The following ADRA1A variants were observed in gnomAD, a reference collection of about 807,000 sequenced individuals.
ADRA1A encodes adrenoceptor alpha 1A, also known as alpha-1A adrenergic receptor.
In ADRA1A, 31 loss-of-function variants were observed where a neutral mutation model predicts 29.6. That is an observed-to-expected ratio of 1.05 (90% confidence interval 0.79 to 1.41). ADRA1A has a LOEUF of 1.41. ADRA1A is among the 40% of genes most tolerant of loss of function. ADRA1A has a pLI of 0.00. For missense variants in ADRA1A, 619 were observed against 601.1 expected, an observed-to-expected ratio of 1.03 and a Z score of -0.31; for synonymous variants, 311 against 254.3, an observed-to-expected ratio of 1.22 and a Z score of -2.12.
chr8:26,782,542 C>T (rs1403564203), intron 2 of ADRA1A, among the ~76,000 whole-genome samples: 2 of 152,134 alleles, frequency 1.3e-5, no homozygotes, highest in Non-Finnish European at 2.9e-5. Flanking sequence ...ATATAAATGT[C>T]ACATTTAGAA....
In ADRA1A at chr8:26,821,748, C is replaced by T. The variant is rs12541646; in HGVS notation, c.883+42339G>A. Among the ~76,000 whole-genome samples the T allele has an allele frequency of 0.24, 36,083 of 147,816 alleles. 4,964 individuals are homozygous for T. Among genetic ancestry groups the T allele is most frequent in the South Asian group, 0.44 (2,007 of 4,540 alleles). ...GTCCTTTTATAGCCATACCCACTTC[C>T]CTTCTGCCCCACCCCGATCTTCACT... On this transcript the variant is annotated intron_variant, in intron 2 of 2. Transcript: ENST00000380573. The surrounding 1 kb of genome is among the most constrained non-coding windows in gnomAD (Gnocchi z 5.6).
At chr8:26,861,015 A>G (rs1052181605) in intron 2 of ADRA1A, among the ~76,000 whole-genome samples, 1 of 152,070 alleles carries the variant, frequency 6.6e-6, no homozygotes, top group Non-Finnish European at 1.5e-5. Flanking sequence ...AAAGTACACA[A>G]TCAGGCTTTT....
At chr8:26,810,249 G>A (rs61761845) in intron 2 of ADRA1A, among the ~76,000 whole-genome samples, 3,930 of 152,278 alleles carry the variant, frequency 0.026, 75 homozygotes, top group Middle Eastern at 0.061. Context: ...CAAATTCCAC[G>A]TTGGGTTAAT....
At chr8:26,816,700 T>C (rs1303619487) in intron 2 of ADRA1A, among the ~76,000 whole-genome samples, 2 of 152,188 alleles carry the variant, frequency 1.3e-5, no homozygotes, top group Non-Finnish European at 2.9e-5. Flanking sequence ...CACACCTCCA[T>C]GTGGCACCTC....
At chr8:26,792,483 C>A (rs1324187861) in intron 2 of ADRA1A, among the ~76,000 whole-genome samples, 1 of 151,650 alleles carries the variant, frequency 6.6e-6, no homozygotes, top group Non-Finnish European at 1.5e-5. Context: ...ATCACCAATT[C>A]TGGATAAAAT....
chr8:26,818,371 A>T (rs1396408116), intron 2 of ADRA1A, among the ~76,000 whole-genome samples: 5 of 152,204 alleles, frequency 3.3e-5, no homozygotes, highest in Non-Finnish European at 4.4e-5. Context: ...ATTCCATGGT[A>T]TGTCACTATC....
At chr8:26,859,651 G>C (rs1813301222) in intron 2 of ADRA1A, among the ~76,000 whole-genome samples, 1 of 152,094 alleles carries the variant, frequency 6.6e-6, no homozygotes, top group South Asian at 2.1e-4. Flanking sequence ...TACTCAATTG[G>C]TGTCAGGAAG....
intron 2 of ADRA1A, among the ~76,000 whole-genome samples, chr8:26,771,609 C>A (rs970269417): frequency 6.6e-6 from 1 of 152,224 alleles, no homozygotes; most frequent in African/African-American, 2.4e-5. Flanking sequence ...AATGGAACAA[C>A]CTTAAGGATT....
In ADRA1A at chr8:26,769,658, G is replaced by A; in HGVS notation, c.*491C>T. 2 of 985,376 alleles carry A rather than the reference G, an allele frequency of 2.0e-6. No individual in the cohort carries two copies. The highest frequency in any genetic ancestry group is 2.4e-6 in the Non-Finnish European group (2 of 830,128). 61.0% of individuals were successfully genotyped at this position (985,376 alleles called of 1,614,324 possible). Reference sequence around the variant, plus strand: ...GACTTGCTCTAAAAATAATGTGTCTGGATCTCGGCCACCATCTTAATGCTC... The same window carrying A: ...GACTTGCTCTAAAAATAATGTGTCTAGATCTCGGCCACCATCTTAATGCTC... On this transcript the variant is annotated 3_prime_UTR_variant, in exon 3 of 3. Coordinates refer to ENST00000380573, the MANE Select transcript of ADRA1A (RefSeq NM_000680.4).
chr8:26,778,912 C>T (rs993606590), intron 2 of ADRA1A: 2 of 151,588 alleles, frequency 1.3e-5, no homozygotes, highest in African/African-American at 4.9e-5. Flanking sequence ...CCTGCATGTT[C>T]TGCACATGTA....
chr8:26,826,179 C>T (rs1318280397), intron 2 of ADRA1A, among the ~76,000 whole-genome samples: 1 of 152,188 alleles, frequency 6.6e-6, no homozygotes, highest in African/African-American at 2.4e-5. Flanking sequence ...TTCCCTAAGA[C>T]AATGAAAAGA....
intron 2 of ADRA1A, among the ~76,000 whole-genome samples, chr8:26,781,863 T>C (rs1466965842): frequency 6.6e-6 from 1 of 152,186 alleles, no homozygotes; most frequent in Non-Finnish European, 1.5e-5. Flanking sequence ...CATATTCAGC[T>C]TAAAGGCTAA....
chr8:26,785,672 G>A (rs1466625531), intron 2 of ADRA1A, among the ~76,000 whole-genome samples: 3 of 152,046 alleles, frequency 2.0e-5, no homozygotes, highest in South Asian at 2.1e-4. Flanking sequence ...GCCATCAAGC[G>A]AGTGGCTTCA....
chr8:26,847,677 C>T (rs962543084), intron 2 of ADRA1A, among the ~76,000 whole-genome samples: 3 of 152,196 alleles, frequency 2.0e-5, no homozygotes, highest in Non-Finnish European at 2.9e-5. Context: ...GACTGCTCTG[C>T]CAGCATTCCA....
intron 2 of ADRA1A, chr8:26,859,334 CTTT>C (rs1813276332): frequency 6.0e-6 from 3 of 500,640 alleles, no homozygotes; most frequent in South Asian, 5.9e-5. Context: ...GTGCCATCTT[CTTT>C]AAGTCTCTGC....
Position 26,841,076 on chromosome 8 carries a change from C to A in ADRA1A, c.883+23011G>T, listed in dbSNP as rs61762868. On this transcript the variant is annotated intron_variant, in intron 2 of 2. Coordinates refer to ENST00000380573, the MANE Select transcript of ADRA1A (RefSeq NM_000680.4). This position sits in a 1 kb window ranked among gnomAD's most constrained non-coding sequence, Gnocchi z 4.4. ...ACTTACTTGCTGCATGATCCTGGGCCAGTTACTTAACCACCCTCTACCACA... is the reference window on the plus strand; with the variant it reads ...ACTTACTTGCTGCATGATCCTGGGCAAGTTACTTAACCACCCTCTACCACA... Among the ~76,000 whole-genome samples the A allele has an allele frequency of 2.2e-3, 331 of 152,320 alleles. 1 individual carries two copies. The highest frequency in any genetic ancestry group is 0.01 in the Middle Eastern group (3 of 294).
chr8:26,811,655 TAGATGGA>T (rs2130541889), intron 2 of ADRA1A, among the ~76,000 whole-genome samples: 1 of 152,342 alleles, frequency 6.6e-6, no homozygotes, highest in African/African-American at 2.4e-5. Flanking sequence ...TTCTATGTTT[TAGATGGA>T]TATAACTTAA....
At position 26,775,311 on chromosome 8, in the gene ADRA1A, T is replaced by A. The variant is rs1178675888; in HGVS notation, c.884-4645A>T. On this transcript the variant is annotated intron_variant, in intron 2 of 2. Transcript: ENST00000380573. The surrounding 1 kb of genome is among the most constrained non-coding windows in gnomAD (Gnocchi z 4.1). ...GCGTGATGGCTGTAGCCTCATATTA[T>A]CTCCCAACCCTGACTTCTTTCTGCT... 6.6e-6 allele frequency among the ~76,000 whole-genome samples: 1 copy of A among 152,226 alleles called. No homozygotes were observed. The highest frequency in any genetic ancestry group is 1.5e-5 in the Non-Finnish European group (1 of 68,020).
chr8:26,811,190 C>CT lies in ADRA1A; in HGVS notation c.884-40525dup, dbSNP rs1226269478. Among the ~76,000 whole-genome samples the CT allele has an allele frequency of 3.3e-4, 47 of 142,808 alleles. 1 individual carries two copies. The highest frequency in any genetic ancestry group is 8.2e-4 in the Admixed American group (12 of 14,552). 93.7% of individuals were successfully genotyped at this position (142,808 alleles called of 152,430 possible). ...TGGGTCTCACTGTCTAGCTTTCTTT[C>CT]TTTTCTTTTTTTTTTTTGTTGAGAC... On this transcript the variant is annotated intron_variant, in intron 2 of 2. Transcript: ENST00000380573.
Sources: gnomAD v4.1 joint callset for allele counts (sites outside exome capture counted in the v4.1 genomes callset) on GRCh38, gnomAD v4.1.1 for gene constraint, Gnocchi (gnomAD v3.1) non-coding constraint, MANE v1.5 for transcripts, NCBI Gene and HGNC (gene_info 2026-07-23, HGNC 2026-07-21) for gene names.